The following LAMA3 variants were observed in gnomAD, a reference collection of about 807,000 sequenced individuals.
LAMA3 encodes laminin subunit alpha 3.
Under a neutral mutation model 402.0 loss-of-function variants are expected in LAMA3, and 281 were observed. That is an observed-to-expected ratio of 0.70 (90% confidence interval 0.63 to 0.77). The LOEUF (loss-of-function observed/expected upper bound fraction) is 0.77, where lower values mean the gene tolerates loss of function less well. Ranked by LOEUF, LAMA3 falls within the 30% of genes least tolerant of loss-of-function variation. LAMA3 has a pLI of 0.00. For synonymous variants in LAMA3, 1,431 were observed against 1,558.4 expected (o/e 0.92, Z 1.93); for missense variants, 3,840 against 4,215.5 (o/e 0.91, Z 2.47).
At position 23,916,708 on chromosome 18, in the gene LAMA3, A is replaced by T. The variant is rs2081637580; in HGVS notation, c.7923+13A>T. The T allele has an allele frequency of 1.2e-6, 2 of 1,613,508 alleles. No homozygotes were observed. Among genetic ancestry groups the T allele is most frequent in the East Asian group, 2.2e-5 (1 of 44,888 alleles). On this transcript the variant is annotated intron_variant, in intron 60 of 74. Transcript: ENST00000313654. ...TGCAGAAAACGGGGTAATCTATAAC[A>T]AGCATCCAGATACAACCAAATATAT...
intron 2 of LAMA3, 41 bp from the exon 3 acceptor site, chr18:23,747,902 A>G: frequency 8.9e-7 from 1 of 1,121,092 alleles, no homozygotes; most frequent in Non-Finnish European, 1.4e-6. Flanking sequence ...CTGTGAATCG[A>G]TGAGATGACA....
chr18:23,916,215 A>C (rs1370784339), intron 59 of LAMA3, among the ~76,000 whole-genome samples: 2 of 152,108 alleles, frequency 1.3e-5, no homozygotes. Context: ...AATATTTATT[A>C]TTCAGAATAA....
chr18:23,920,012 G>C (rs2081775663), intron 60 of LAMA3, among the ~76,000 whole-genome samples: 1 of 152,008 alleles, frequency 6.6e-6, no homozygotes, highest in Non-Finnish European at 1.5e-5. Flanking sequence ...TGGGAGAGAA[G>C]GAAGGATCAA....
At chr18:23,867,557 AAAAAAAAAAAAG>A (rs1351910748) in intron 36 of LAMA3, among the ~76,000 whole-genome samples, 35 of 151,568 alleles carry the variant, frequency 2.3e-4, no homozygotes, top group African/African-American at 8.2e-4. Flanking sequence ...CCTGCCAAAA[AAAAAAAAAAAAG>A]AAAAAAAAAA....
In LAMA3 at chr18:23,915,353, A is replaced by C; in HGVS notation, c.7709A>C (p.Asn2570Thr). 1 of 1,613,646 alleles carries C rather than the reference A, an allele frequency of 6.2e-7. No individual in the cohort carries two copies. Among genetic ancestry groups the C allele is most frequent in the Non-Finnish European group, 8.5e-7 (1 of 1,179,560 alleles). ...ATTGAATTAGATGACCTCAATGAAA[A>C]TGTTCTGAGCTTGTACAACTTCAAA... The part of the protein sequence containing the change: ...GCIELDDLNE[N>T]VLSLYNFKKT... Residue 2570 changes from asparagine to threonine, a missense_variant, in exon 59 of 75, where the codon AAT becomes ACT. Physicochemically the swap from Asn to Thr is moderately conservative, Grantham distance 65. Coordinates refer to ENST00000313654, the MANE Select transcript of LAMA3 (RefSeq NM_198129.4).
Position 23,904,517 on chromosome 18 carries a change from G to A in LAMA3, c.6474-36G>A, listed in dbSNP as rs200761044. The A allele has an allele frequency of 3.1e-4, 483 of 1,567,954 alleles. 3 individuals carry two copies. In the African/African-American group the frequency reaches 4.9e-3, roughly 16 times the overall value. On this transcript the variant is annotated intron_variant, in intron 50 of 74. Coordinates refer to ENST00000313654, the MANE Select transcript of LAMA3 (RefSeq NM_198129.4). ...GGGATGTCAGCTGCTGGCAGAGGAAGGCTGTGGGGAGTGGCTAACCTGCCC... is the reference window on the plus strand; with the variant it reads ...GGGATGTCAGCTGCTGGCAGAGGAAAGCTGTGGGGAGTGGCTAACCTGCCC...
chr18:23,800,352 T>C (rs572222717), intron 12 of LAMA3, among the ~76,000 whole-genome samples: 2 of 152,308 alleles, frequency 1.3e-5, no homozygotes, highest in East Asian at 1.9e-4. Context: ...ACATCTTAGG[T>C]TGAATGATAA....
chr18:23,836,429 T>C (rs763123045), intron 24 of LAMA3, among the ~76,000 whole-genome samples: 25 of 152,186 alleles, frequency 1.6e-4, no homozygotes, highest in Non-Finnish European at 1.5e-4. Context: ...GGTTCAAAAC[T>C]GTGAGCTTTT....
chr18:23,843,987 G>C (rs1598904388), intron 29 of LAMA3, among the ~76,000 whole-genome samples: 1 of 152,148 alleles, frequency 6.6e-6, no homozygotes, highest in African/African-American at 2.4e-5. Context: ...AAGCCCTCCA[G>C]GAAGCATTGC....
intron 1 of LAMA3, among the ~76,000 whole-genome samples, chr18:23,692,971 G>T (rs1195632390): frequency 6.6e-6 from 1 of 151,990 alleles, no homozygotes; most frequent in Non-Finnish European, 1.5e-5. Flanking sequence ...ATACATGATT[G>T]TTCATTATTA....
At chr18:23,925,218 C>T (rs1298882240) in intron 62 of LAMA3, among the ~76,000 whole-genome samples, 2 of 152,254 alleles carry the variant, frequency 1.3e-5, no homozygotes, top group East Asian at 3.8e-4. Flanking sequence ...AGTGTAATCA[C>T]TAAATCAGCT....
chr18:23,776,841 CTTTT>C (rs34901172), intron 10 of LAMA3, among the ~76,000 whole-genome samples: 1 of 135,878 alleles, frequency 7.4e-6, no homozygotes. Flanking sequence ...TTGTATTTGC[CTTTT>C]TTTTTTTTTT....
At chr18:23,826,447 G>A (rs1467592556) in intron 21 of LAMA3, among the ~76,000 whole-genome samples, 1 of 152,178 alleles carries the variant, frequency 6.6e-6, no homozygotes, top group Non-Finnish European at 1.5e-5. Context: ...AGGAGAGACA[G>A]TAAAATCTCT....
intron 34 of LAMA3, 122 bp from the exon 35 acceptor site, chr18:23,861,523 TA>T: frequency 9.6e-7 from 1 of 1,040,834 alleles, no homozygotes; most frequent in Non-Finnish European, 1.5e-6. Flanking sequence ...AGTAGACGCA[TA>T]AAGGAGGCCT....
chr18:23,716,303 A>G lies in LAMA3; in HGVS notation c.447+2231A>G, dbSNP rs2061098289. On this transcript the variant is annotated intron_variant, in intron 2 of 74. Transcript: ENST00000313654. The stretch of plus-strand genomic sequence containing the variant: ...CTCCCAAGTAGCTGGGACTACAGGC[A>G]TGTGCCACCATGCCTGGCTAACTTT... Among the ~76,000 whole-genome samples, 8 of 152,262 alleles carry G rather than the reference A, an allele frequency of 5.3e-5. No individual in the cohort carries two copies. In the South Asian group the frequency reaches 1.7e-3, roughly 32 times the overall value.
chr18:23,735,308 G>A (rs765335015), intron 2 of LAMA3, among the ~76,000 whole-genome samples: 9 of 152,180 alleles, frequency 5.9e-5, no homozygotes, highest in Non-Finnish European at 1.0e-4. Context: ...AGAACATGCA[G>A]CAATATATAT....
intron 70 of LAMA3, among the ~76,000 whole-genome samples, chr18:23,948,411 G>A (rs1208148318): frequency 6.6e-6 from 1 of 152,108 alleles, no homozygotes; most frequent in Non-Finnish European, 1.5e-5. Context: ...TCAATGCTGG[G>A]TTCTGGCCCA....
At chr18:23,815,311 C>A in intron 16 of LAMA3, 71 bp downstream of exon 16, 1 of 1,457,432 alleles carries the variant, frequency 6.9e-7, no homozygotes, top group African/African-American at 1.4e-5. Context: ...TTTCTGGGGG[C>A]GTGTGTTAGT....
At position 23,708,388 on chromosome 18, in the gene LAMA3, T is replaced by G. The variant is rs566052542; in HGVS notation, c.295-5532T>G. ...ATTTTAGAATTATCTTACTGTACTTTAAGAAAGTCCTTATTCAGGTTTTCA... is the reference window on the plus strand; with the variant it reads ...ATTTTAGAATTATCTTACTGTACTTGAAGAAAGTCCTTATTCAGGTTTTCA... On this transcript the variant is annotated intron_variant, in intron 1 of 74. Coordinates refer to ENST00000313654, the MANE Select transcript of LAMA3 (RefSeq NM_198129.4). Among the ~76,000 whole-genome samples the G allele has an allele frequency of 4.6e-5, 7 of 152,350 alleles. No individual in the cohort carries two copies. The East Asian group carries it at 1.2e-3, about 25-fold the overall frequency.
Sources: allele counts gnomAD v4.1 joint callset (sites outside exome capture counted in the v4.1 genomes callset), GRCh38; gene constraint gnomAD v4.1.1; transcripts MANE v1.5; gene names NCBI Gene and HGNC (gene_info 2026-07-23, HGNC 2026-07-21).